The following LY75 variants were observed in gnomAD, a reference collection of about 807,000 sequenced individuals.
LY75 encodes C-type lectin domain family 13 member B.
LY75 carries 185 observed loss-of-function variants against 231.7 expected under a neutral mutation model. The ratio of observed to expected loss-of-function variants is 0.80; its 90% CI spans 0.71 to 0.90. The LOEUF (loss-of-function observed/expected upper bound fraction) is 0.90, where lower values mean the gene tolerates loss of function less well. LY75 is among the 40% of genes least tolerant of loss of function. LY75 has a pLI of 0.00. For synonymous variants in LY75, 668 were observed against 689.0 expected (o/e 0.97, Z 0.48); for missense variants, 1,947 against 2,050.2 (o/e 0.95, Z 0.97).
chr2:159,838,234 GTATT>G (rs987295237), intron 25 of LY75, among the ~76,000 whole-genome samples: 3 of 152,172 alleles, frequency 2.0e-5, no homozygotes, highest in Non-Finnish European at 2.9e-5. Context: ...TCAATGTAAA[GTATT>G]TATTAACATC....
At chr2:159,811,784 T>C (rs1468268481) in intron 31 of LY75, among the ~76,000 whole-genome samples, 2 of 152,214 alleles carry the variant, frequency 1.3e-5, no homozygotes, top group African/African-American at 2.4e-5. Flanking sequence ...GGTTATTTGA[T>C]TGGCTTTTGC....
intron 25 of LY75, 95 bp downstream of exon 25, chr2:159,840,634 T>C: frequency 6.6e-7 from 1 of 1,526,296 alleles, no homozygotes. Flanking sequence ...TTTTCAGTTC[T>C]TCTGTTTGTT....
In LY75 at chr2:159,867,327, G is replaced by C. The variant is rs144022450; in HGVS notation, c.2118-2407C>G. On this transcript the variant is annotated intron_variant, in intron 13 of 34. Transcript: ENST00000263636. ...ATTTCCTCAATTGTAACTCATTCCTGGTTTGGCCTAGTTTAGCTGTAGGCA... is the reference window on the plus strand; with the variant it reads ...ATTTCCTCAATTGTAACTCATTCCTCGTTTGGCCTAGTTTAGCTGTAGGCA... Among the ~76,000 whole-genome samples, 800 of 152,178 alleles carry C rather than the reference G, an allele frequency of 5.3e-3. 6 individuals carry two copies. The highest frequency in any genetic ancestry group is 0.018 in the African/African-American group (751 of 41,520).
At chr2:159,873,149 A>G (rs1685069024) in intron 12 of LY75, among the ~76,000 whole-genome samples, 1 of 152,020 alleles carries the variant, frequency 6.6e-6, no homozygotes, top group African/African-American at 2.4e-5. Flanking sequence ...AGAAGAAGAA[A>G]GAAGAAAGAA....
At chr2:159,844,605 G>A (rs1041504547) in intron 23 of LY75, among the ~76,000 whole-genome samples, 11 of 151,940 alleles carry the variant, frequency 7.2e-5, no homozygotes, top group Non-Finnish European at 1.3e-4. Flanking sequence ...CTATAGGAAC[G>A]AGGGTCACTG....
intron 31 of LY75, among the ~76,000 whole-genome samples, chr2:159,812,672 C>A (rs934464559): frequency 5.9e-5 from 9 of 152,162 alleles, no homozygotes; most frequent in Non-Finnish European, 1.0e-4. Context: ...CTCAGCCCCC[C>A]AAAGTGCTGA....
At position 159,854,407 on chromosome 2, in the gene LY75, T is replaced by C. The variant is rs1684487525; in HGVS notation, c.2548A>G (p.Ile850Val). ...GCTTTTAGTCCCACAAAAGATGTTA[T>C]AGTTGCAAGAAAGCTGTGATTGCTG... ...CASNHSFLAT[I>V]TSFVGLKAIK... The change falls in exon 18 of 35, where the codon ATA becomes GTA. Residue 850 changes from isoleucine to valine, a missense_variant. Transcript: ENST00000263636. The C allele has an allele frequency of 1.3e-6, 2 of 1,550,696 alleles. No homozygotes were observed. The highest frequency in any genetic ancestry group is 1.7e-5 in the Admixed American group (1 of 57,526).
intron 13 of LY75, chr2:159,871,929 A>T (rs563415467): frequency 2.0e-5 from 3 of 152,838 alleles, no homozygotes; most frequent in South Asian, 4.1e-4. Context: ...GCAAACAAGG[A>T]CATTCCAATT....
In LY75 at chr2:159,804,807, A is replaced by C; in HGVS notation, c.*237T>G. 2.9e-6 allele frequency: 1 copy of C among 341,744 alleles called. No homozygotes were observed. The highest frequency in any genetic ancestry group is 4.3e-5 in the Admixed American group (1 of 23,474). 21.2% of individuals were successfully genotyped at this position (341,744 alleles called of 1,614,324 possible). A position where few individuals can be genotyped will look rare whatever the true frequency, so the allele number is the denominator to read the frequency against. On this transcript the variant is annotated 3_prime_UTR_variant, in exon 35 of 35. Transcript: ENST00000263636. The stretch of plus-strand genomic sequence containing the variant: ...ATGAACATTAAACATATTACTGTAC[A>C]AACAATTTGGACTTCAGTTCCAGCT...
At chr2:159,841,057 A>G in intron 24 of LY75, 102 bp from the exon 25 acceptor site, 2 of 1,502,034 alleles carry the variant, frequency 1.3e-6, no homozygotes, top group Non-Finnish European at 1.8e-6. Context: ...TCTAATTTAG[A>G]TATTATTTGC....
intron 31 of LY75, 81 bp from the exon 32 acceptor site, chr2:159,810,756 T>G: frequency 6.4e-7 from 1 of 1,566,314 alleles, no homozygotes; most frequent in African/African-American, 1.4e-5. Context: ...TGTCCCTGAT[T>G]GGAACTGTTG....
At position 159,890,422 on chromosome 2, in the gene LY75, G is replaced by A. The variant is rs779511823; in HGVS notation, c.638-45C>T. 4 of 1,606,566 alleles carry A rather than the reference G, an allele frequency of 2.5e-6. No homozygotes were observed. In the Middle Eastern group the frequency reaches 5.0e-4, roughly 201 times the overall value. On this transcript the variant is annotated intron_variant, in intron 3 of 34. Coordinates refer to ENST00000263636, the MANE Select transcript of LY75 (RefSeq NM_002349.4). The stretch of plus-strand genomic sequence containing the variant: ...AGTGATCATAAAGTAAGGACATAAT[G>A]TTTTCTATTACTTAGAATGCTTAGA...
chr2:159,829,617 C>T (rs1165625489), intron 28 of LY75, among the ~76,000 whole-genome samples: 1 of 150,024 alleles, frequency 6.7e-6, no homozygotes. Context: ...GTTTTAAAAA[C>T]AGAATTCCTT....
Position 159,882,170 on chromosome 2 carries a change from A to G in LY75, c.1200T>C (p.His400=), listed in dbSNP as rs1685456062. The change falls in exon 7 of 35, where the codon CAT becomes CAC. Residue 400 remains histidine (H), a synonymous_variant. Coordinates refer to ENST00000263636, the MANE Select transcript of LY75 (RefSeq NM_002349.4). The part of the protein sequence containing the change: ...KAFSSDLISI[H]SLADVEVVVT... ...CAACCACCTCCACATCTGCTAGAGA[A>G]TGAATGCTGATTAGGTCACTACTGA... The G allele has an allele frequency of 6.2e-7, 1 of 1,613,762 alleles. No homozygotes were observed. Among genetic ancestry groups the G allele is most frequent in the Admixed American group, 1.7e-5 (1 of 59,952 alleles).
At chr2:159,887,566 C>CAAAAAAAAAAAAAAAAAAAAAAAAAAA (rs369452762) in intron 4 of LY75, among the ~76,000 whole-genome samples, 2 of 103,824 alleles carry the variant, frequency 1.9e-5, no homozygotes, top group Non-Finnish European at 3.6e-5. Flanking sequence ...TCAACAACAA[C>CAAAAAAAAAAAAAAAAAAAAAAAAAAA]AAAAAAAAAA....
chr2:159,867,695 G>A (rs1305203765), intron 13 of LY75, among the ~76,000 whole-genome samples: 2 of 152,156 alleles, frequency 1.3e-5, no homozygotes, highest in African/African-American at 4.8e-5. Flanking sequence ...ATTCTACAAA[G>A]CCTTAGATTT....
intron 25 of LY75, among the ~76,000 whole-genome samples, chr2:159,836,446 C>T (rs1157599413): frequency 2.0e-5 from 3 of 152,150 alleles, no homozygotes; most frequent in Non-Finnish European, 4.4e-5. Context: ...AAGGTCCTGA[C>T]CACCCATCTA....
intron 1 of LY75, among the ~76,000 whole-genome samples, chr2:159,900,172 C>G (rs1400034383): frequency 1.3e-5 from 2 of 152,300 alleles, no homozygotes; most frequent in Non-Finnish European, 2.9e-5. Context: ...TTTGCATGAG[C>G]TGGCAAAGAC....
intron 28 of LY75, among the ~76,000 whole-genome samples, chr2:159,821,937 C>T (rs182550890): frequency 5.9e-5 from 9 of 152,100 alleles, no homozygotes; most frequent in South Asian, 2.1e-4. Context: ...TGCAAGGGGT[C>T]GGGGAATTTT....
Sources: allele counts gnomAD v4.1 joint callset (sites outside exome capture counted in the v4.1 genomes callset), GRCh38; gene constraint gnomAD v4.1.1; transcripts MANE v1.5; gene names NCBI Gene and HGNC (gene_info 2026-07-23, HGNC 2026-07-21).